The following MFHAS1 variants were observed in gnomAD, a reference collection of about 807,000 sequenced individuals.
MFHAS1 encodes malignant fibrous histiocytoma-amplified sequence 1.
MFHAS1 carries 50 observed loss-of-function variants against 70.4 expected under a neutral mutation model. That is an observed-to-expected ratio of 0.71 (90% CI 0.57 to 0.90). The LOEUF (loss-of-function observed/expected upper bound fraction) is 0.90, where lower values mean the gene tolerates loss of function less well. Among genes scored for constraint, MFHAS1 ranks in the 40% least tolerant of loss-of-function variants. The pLI, the probability that MFHAS1 is intolerant of heterozygous loss-of-function variation, is 0.00. For missense variants in MFHAS1, 1,795 were observed against 1,347.6 expected (o/e 1.33, Z -5.20); for synonymous variants, 952 against 620.0 (o/e 1.54, Z -7.96).
chr8:8,863,137 A>G (rs1269988259), intron 1 of MFHAS1, among the ~76,000 whole-genome samples: 1 of 152,214 alleles, frequency 6.6e-6, no homozygotes, highest in Non-Finnish European at 1.5e-5. Flanking sequence ...CTTTGTCCAT[A>G]ATCAATTGGG....
chr8:8,785,992 T>C lies in MFHAS1; in HGVS notation c.*30A>G. The C allele has an allele frequency of 1.9e-6, 3 of 1,613,372 alleles. No homozygotes were observed. The highest frequency in any genetic ancestry group is 2.5e-6 in the Non-Finnish European group (3 of 1,179,344). Reference sequence around the variant, plus strand: ...GGTCCAGGTGTTCAGATGCTCTCTTTTCTCCATGGAAATTCCACAGCCACA... The same window carrying C: ...GGTCCAGGTGTTCAGATGCTCTCTTCTCTCCATGGAAATTCCACAGCCACA... On this transcript the variant is annotated 3_prime_UTR_variant, in exon 3 of 3. Transcript: ENST00000276282.
At chr8:8,835,367 C>A (rs1310930238) in intron 1 of MFHAS1, among the ~76,000 whole-genome samples, 3 of 152,114 alleles carry the variant, frequency 2.0e-5, no homozygotes, top group Non-Finnish European at 4.4e-5. Flanking sequence ...TATCCTGTCC[C>A]ACGGGTCTTG....
chr8:8,844,276 T>C (rs1416864075), intron 1 of MFHAS1, among the ~76,000 whole-genome samples: 1 of 152,240 alleles, frequency 6.6e-6, no homozygotes, highest in East Asian at 1.9e-4. Flanking sequence ...CAGTTAATCA[T>C]TGTCTCAATA....
intron 1 of MFHAS1, among the ~76,000 whole-genome samples, chr8:8,808,594 T>A (rs1469313437): frequency 6.6e-6 from 1 of 152,186 alleles, no homozygotes; most frequent in Admixed American, 6.5e-5. Context: ...AGATCTACAG[T>A]GAGAATGAAT....
chr8:8,785,070 C>T lies in MFHAS1; in HGVS notation c.*952G>A, dbSNP rs1563171719. ...AGTAATATGTTTGCAAAGTGCTCTG[C>T]TAAGTAAGGTACTTATTAAGCAGAG... On this transcript the variant is annotated 3_prime_UTR_variant, in exon 3 of 3. Transcript: ENST00000276282. 6.6e-6 allele frequency: 1 copy of T among 152,154 alleles called. No homozygotes were observed. Among genetic ancestry groups the T allele is most frequent in the Non-Finnish European group, 1.5e-5 (1 of 68,024 alleles). 9.4% of individuals were successfully genotyped at this position (152,154 alleles called of 1,614,324 possible). A position where few individuals can be genotyped will look rare whatever the true frequency, so the allele number is the denominator to read the frequency against.
intron 1 of MFHAS1, among the ~76,000 whole-genome samples, chr8:8,814,009 G>C (rs1806645083): frequency 6.6e-6 from 1 of 151,494 alleles, no homozygotes; most frequent in African/African-American, 2.4e-5. Context: ...CATGATCTCG[G>C]TCACTGCAAC....
At chr8:8,870,965 G>A (rs913882111) in intron 1 of MFHAS1, among the ~76,000 whole-genome samples, 1 of 152,124 alleles carries the variant, frequency 6.6e-6, no homozygotes, top group Non-Finnish European at 1.5e-5. Context: ...CTGTTGCCCA[G>A]GCTGGAGTGC....
intron 1 of MFHAS1, among the ~76,000 whole-genome samples, chr8:8,803,360 G>T (rs1405164327): frequency 6.6e-6 from 1 of 151,304 alleles, no homozygotes; most frequent in Non-Finnish European, 1.5e-5. Context: ...CTACTAAAAA[G>T]ATGAAAATTA....
chr8:8,839,553 T>C (rs1807726108), intron 1 of MFHAS1, among the ~76,000 whole-genome samples: 1 of 152,196 alleles, frequency 6.6e-6, no homozygotes, highest in African/African-American at 2.4e-5. Context: ...CCACTTGCCT[T>C]AACCCTCCAT....
In MFHAS1 at chr8:8,785,837, T is replaced by C. The variant is rs919120348; in HGVS notation, c.*185A>G. Reference sequence around the variant, plus strand: ...AACATTTGCTCCATGTTCTCGTCCATGCTTCCCCCCACCACCCCCTCCCCA... The same window carrying C: ...AACATTTGCTCCATGTTCTCGTCCACGCTTCCCCCCACCACCCCCTCCCCA... On this transcript the variant is annotated 3_prime_UTR_variant, in exon 3 of 3. Transcript: ENST00000276282. 3.6e-6 allele frequency: 2 copies of C among 558,720 alleles called. No individual in the cohort carries two copies. The highest frequency in any genetic ancestry group is 3.0e-5 in the East Asian group (1 of 33,182). 34.6% of individuals were successfully genotyped at this position (558,720 alleles called of 1,614,324 possible). A position where few individuals can be genotyped will look rare whatever the true frequency, so the allele number is the denominator to read the frequency against.
chr8:8,893,137 G>A lies in MFHAS1; in HGVS notation c.-79C>T. ...GCCGCGCCGCGCCCCGGGCCCTCCG[G>A]CTCCTGCCCCTGCCTGCCCTCCCGC... On this transcript the variant is annotated 5_prime_UTR_variant, in exon 1 of 3. Transcript: ENST00000276282. The A allele has an allele frequency of 9.4e-7, 1 of 1,069,216 alleles. No individual in the cohort carries two copies. The highest frequency in any genetic ancestry group is 1.2e-6 in the Non-Finnish European group (1 of 818,336). 66.2% of individuals were successfully genotyped at this position (1,069,216 alleles called of 1,614,324 possible).
chr8:8,886,738 T>C (rs1479417721), intron 1 of MFHAS1, among the ~76,000 whole-genome samples: 1 of 152,232 alleles, frequency 6.6e-6, no homozygotes, highest in African/African-American at 2.4e-5. Context: ...GCGTTGCATA[T>C]AAAATTGTTA....
At chr8:8,829,710 T>C (rs1186240535) in intron 1 of MFHAS1, among the ~76,000 whole-genome samples, 1 of 152,018 alleles carries the variant, frequency 6.6e-6, no homozygotes, top group South Asian at 2.1e-4. Context: ...TGCGAGATCT[T>C]TGAGAAAGGA....
chr8:8,873,536 T>C (rs1809171265), intron 1 of MFHAS1, among the ~76,000 whole-genome samples: 1 of 152,120 alleles, frequency 6.6e-6, no homozygotes, highest in Non-Finnish European at 1.5e-5. Flanking sequence ...ACCCACTCTT[T>C]CTTCATCACA....
intron 1 of MFHAS1, among the ~76,000 whole-genome samples, chr8:8,871,942 C>A (rs1563214000): frequency 6.6e-6 from 1 of 152,184 alleles, no homozygotes; most frequent in South Asian, 2.1e-4. Flanking sequence ...TGTTCTGTCA[C>A]CCTACCTAGG....
chr8:8,861,350 A>G (rs765301956), intron 1 of MFHAS1, among the ~76,000 whole-genome samples: 3 of 152,224 alleles, frequency 2.0e-5, no homozygotes, highest in Admixed American at 1.3e-4. Flanking sequence ...GTCAAGAATG[A>G]TTGGATATCA....
chr8:8,840,636 A>G (rs1382203286), intron 1 of MFHAS1, among the ~76,000 whole-genome samples: 2 of 152,102 alleles, frequency 1.3e-5, no homozygotes, highest in African/African-American at 4.8e-5. Flanking sequence ...AGTTCTTCTG[A>G]AGGCACAATC....
chr8:8,793,902 C>T (rs1396790796), intron 2 of MFHAS1, among the ~76,000 whole-genome samples: 1 of 152,160 alleles, frequency 6.6e-6, no homozygotes, highest in Non-Finnish European at 1.5e-5. Context: ...GAAAGCCTGA[C>T]CTTGGCTGGG....
intron 1 of MFHAS1, among the ~76,000 whole-genome samples, chr8:8,876,418 C>G (rs1470664691): frequency 6.6e-6 from 1 of 152,076 alleles, no homozygotes; most frequent in East Asian, 1.9e-4. Flanking sequence ...AAGACAAACT[C>G]AAATGATGAT....
Sources: gnomAD v4.1 joint callset for allele counts (sites outside exome capture counted in the v4.1 genomes callset) on GRCh38, gnomAD v4.1.1 for gene constraint, MANE v1.5 for transcripts, NCBI Gene and HGNC (gene_info 2026-07-23, HGNC 2026-07-21) for gene names.